UMAD1: variants seen among roughly 807,000 people sequenced by gnomAD.
UMAD1 encodes the protein UBAP1-MVB12-associated (UMA)-domain containing protein 1.
In UMAD1, 8 loss-of-function variants were observed where a neutral mutation model predicts 6.1. The observed-to-expected ratio is 1.30, with a 90% confidence interval of 0.76 to 2.35. UMAD1 has a LOEUF of 2.35. Among genes scored for constraint, UMAD1 ranks in the 30% most tolerant of loss-of-function variants. The pLI is 0.00. For missense variants in UMAD1, 130 were observed against 78.4 expected (o/e 1.66, Z -2.49); for synonymous variants, 56 against 31.4 (o/e 1.78, Z -2.61).
intron 2 of UMAD1, among the ~76,000 whole-genome samples, chr7:7,796,608 C>G (rs1483046745): frequency 1.3e-5 from 2 of 152,092 alleles, no homozygotes; most frequent in African/African-American, 4.8e-5. Context: ...ATTTGTATCC[C>G]CATTGTTCCT....
intron 2 of UMAD1, among the ~76,000 whole-genome samples, chr7:7,677,679 T>G (rs1779780421): frequency 7.2e-6 from 1 of 138,910 alleles, no homozygotes; most frequent in African/African-American, 2.7e-5. Flanking sequence ...TTTTTTTTTT[T>G]TTTTTTTTTT....
At chr7:7,831,094 G>A (rs895225136) in intron 3 of UMAD1, among the ~76,000 whole-genome samples, 1 of 152,122 alleles carries the variant, frequency 6.6e-6, no homozygotes, top group South Asian at 2.1e-4. Flanking sequence ...TTTGTATGAA[G>A]TTAGATATTC....
chr7:7,860,657 C>T (rs576887476), intron 3 of UMAD1, among the ~76,000 whole-genome samples: 15 of 150,010 alleles, frequency 1.0e-4, no homozygotes, highest in Non-Finnish European at 1.9e-4. Flanking sequence ...CACCTGTAGT[C>T]CCAGTTACTC....
At chr7:7,869,926 A>G (rs1010248192) in intron 3 of UMAD1, among the ~76,000 whole-genome samples, 7 of 152,182 alleles carry the variant, frequency 4.6e-5, no homozygotes, top group African/African-American at 1.4e-4. Context: ...GAAAAGTGTT[A>G]TATGCCTTGT....
intron 3 of UMAD1, among the ~76,000 whole-genome samples, chr7:7,804,539 G>A (rs1027599948): frequency 5.9e-5 from 9 of 152,220 alleles, no homozygotes; most frequent in East Asian, 1.9e-4. Context: ...CGGGCTTGGC[G>A]CCGTGCGCCT....
At chr7:7,814,851 T>A (rs1432684717) in intron 3 of UMAD1, among the ~76,000 whole-genome samples, 1 of 152,100 alleles carries the variant, frequency 6.6e-6, no homozygotes, top group Non-Finnish European at 1.5e-5. Flanking sequence ...TCCAGTGCGA[T>A]GTGATTTCTT....
Position 7,784,600 on chromosome 7 carries a change from G to A in UMAD1, c.83-17070G>A, listed in dbSNP as rs550638777. Among the ~76,000 whole-genome samples the A allele has an allele frequency of 3.3e-5, 5 of 151,316 alleles. No individual in the cohort carries two copies. In the South Asian group the frequency reaches 6.3e-4, roughly 19 times the overall value. ...GACCTCGTGATCCGCCCTCCTCGGC[G>A]TCCCAGAGTGCTGGGATTACAGGCG... On this transcript the variant is annotated intron_variant, in intron 2 of 3. Coordinates refer to ENST00000682710, the MANE Select transcript of UMAD1 (RefSeq NM_001302348.2).
intron 2 of UMAD1, among the ~76,000 whole-genome samples, chr7:7,756,988 T>C (rs1261057684): frequency 6.6e-6 from 1 of 152,218 alleles, no homozygotes; most frequent in Non-Finnish European, 1.5e-5. Flanking sequence ...AGCTACACAT[T>C]GATCTGTTTT....
intron 2 of UMAD1, chr7:7,687,453 C>T (rs1363043348): frequency 6.6e-6 from 1 of 152,176 alleles, no homozygotes; most frequent in Non-Finnish European, 1.5e-5. Context: ...ATTTGGGGAT[C>T]ACTAATGATG....
At chr7:7,679,864 C>T (rs902761392) in intron 2 of UMAD1, among the ~76,000 whole-genome samples, 1 of 151,398 alleles carries the variant, frequency 6.6e-6, no homozygotes, top group Admixed American at 6.6e-5. Context: ...TATGCCTGGC[C>T]TGCCCATTTT....
intron 3 of UMAD1, among the ~76,000 whole-genome samples, chr7:7,863,630 T>A (rs1784157945): frequency 6.6e-6 from 1 of 152,204 alleles, no homozygotes; most frequent in South Asian, 2.1e-4. Flanking sequence ...CAGTAGAAGT[T>A]GGTGGGGGTC....
chr7:7,850,456 C>G (rs1266703026), intron 3 of UMAD1, among the ~76,000 whole-genome samples: 2 of 152,040 alleles, frequency 1.3e-5, no homozygotes, highest in African/African-American at 4.8e-5. Flanking sequence ...TCTACTTCCC[C>G]CCAAAGAATT....
chr7:7,656,475 C>A (rs1208763148), intron 1 of UMAD1, among the ~76,000 whole-genome samples: 1 of 152,170 alleles, frequency 6.6e-6, no homozygotes, highest in Non-Finnish European at 1.5e-5. Context: ...TAGCCTTCCA[C>A]CCCATGACAG....
chr7:7,662,911 CTA>C (rs1320815216), intron 1 of UMAD1, among the ~76,000 whole-genome samples: 2 of 152,166 alleles, frequency 1.3e-5, no homozygotes, highest in African/African-American at 4.8e-5. Flanking sequence ...ATGCTAGAAA[CTA>C]TGTCCTTTAT....
chr7:7,855,767 A>G (rs1440874667), intron 3 of UMAD1, among the ~76,000 whole-genome samples: 1 of 152,234 alleles, frequency 6.6e-6, no homozygotes, highest in South Asian at 2.1e-4. Flanking sequence ...TCTCCAGAAA[A>G]TGGGTTTTTA....
At chr7:7,643,615 G>A (rs544450761) in intron 1 of UMAD1, among the ~76,000 whole-genome samples, 42 of 152,226 alleles carry the variant, frequency 2.8e-4, no homozygotes, top group African/African-American at 9.9e-4. Flanking sequence ...GGGAGGCTGA[G>A]GCAGGAGAAT....
At chr7:7,852,297 G>A (rs1783930992) in intron 3 of UMAD1, among the ~76,000 whole-genome samples, 3 of 152,140 alleles carry the variant, frequency 2.0e-5, no homozygotes, top group Admixed American at 2.0e-4. Flanking sequence ...AATATGTGGG[G>A]ATATCACTCT....
chr7:7,674,806 G>C (rs1228544057), intron 2 of UMAD1, among the ~76,000 whole-genome samples: 1 of 152,034 alleles, frequency 6.6e-6, no homozygotes, highest in Non-Finnish European at 1.5e-5. Context: ...AATTAGCCTC[G>C]CTAACAGAAA....
intron 2 of UMAD1, among the ~76,000 whole-genome samples, chr7:7,782,723 A>T (rs1489159548): frequency 6.7e-6 from 1 of 149,574 alleles, no homozygotes; most frequent in Non-Finnish European, 1.5e-5. Context: ...TGTCTTGTGT[A>T]TAACCTCTCT....
Sources: gnomAD v4.1 joint callset for allele counts (sites outside exome capture counted in the v4.1 genomes callset) on GRCh38, gnomAD v4.1.1 for gene constraint, MANE v1.5 for transcripts, NCBI Gene and HGNC (gene_info 2026-07-23, HGNC 2026-07-21) for gene names.